GABRB1: variants seen among roughly 807,000 people sequenced by gnomAD.
GABRB1 encodes the protein gamma-aminobutyric acid type A receptor subunit beta1.
In GABRB1, 17 loss-of-function variants were observed where a neutral mutation model predicts 51.6. That is an observed-to-expected ratio of 0.33 (90% CI 0.23 to 0.49). The LOEUF is 0.49. Among genes scored for constraint, GABRB1 ranks in the 20% least tolerant of loss-of-function variants. The probability of loss-of-function intolerance (pLI) is 0.99; values close to 1 mark genes in which losing one functional copy is unlikely to be tolerated. For missense variants in GABRB1, 410 were observed against 600.6 expected, an observed-to-expected ratio of 0.68 and a Z score of 3.32; for synonymous variants, 247 against 218.9, an observed-to-expected ratio of 1.13 and a Z score of -1.14.
chr4:47,236,188 A>C lies in GABRB1; in HGVS notation c.461+74719A>C, dbSNP rs1004375354. Among the ~76,000 whole-genome samples, 14 of 152,198 alleles carry C rather than the reference A, an allele frequency of 9.2e-5. No homozygotes were observed. In the East Asian group the frequency reaches 2.1e-3, roughly 23 times the overall value. On this transcript the variant is annotated intron_variant, in intron 4 of 8. Transcript: ENST00000295454. ...AATTAAATTTTATATTATTCATTTC[A>C]GTTTATCCTTTTGAAATCCGAAAGC...
At chr4:47,006,654 G>A (rs1269478551) in intron 1 of GABRB1, among the ~76,000 whole-genome samples, 1 of 152,172 alleles carries the variant, frequency 6.6e-6, no homozygotes, top group Non-Finnish European at 1.5e-5. Context: ...ATAAGGTTCT[G>A]TAACTAACAT....
intron 4 of GABRB1, among the ~76,000 whole-genome samples, chr4:47,178,866 G>A (rs1235037421): frequency 2.6e-5 from 4 of 151,998 alleles, no homozygotes; most frequent in Non-Finnish European, 4.4e-5. Flanking sequence ...ATAATGAGTC[G>A]CTTTGTTCCA....
chr4:47,362,700 G>A (rs2110011237), intron 5 of GABRB1, among the ~76,000 whole-genome samples: 1 of 152,252 alleles, frequency 6.6e-6, no homozygotes, highest in South Asian at 2.1e-4. Context: ...TGCTGAGGAA[G>A]TAAAAGGAAC....
At chr4:46,999,173 G>A (rs1724103593) in intron 1 of GABRB1, among the ~76,000 whole-genome samples, 2 of 152,090 alleles carry the variant, frequency 1.3e-5, no homozygotes, top group Admixed American at 6.6e-5. Flanking sequence ...ATTTAGAGGG[G>A]ATACACAAAG....
rs185425912 is a variant in GABRB1, at chr4:47,253,678, C to T, written c.462-66449C>T. On this transcript the variant is annotated intron_variant, in intron 4 of 8. Transcript: ENST00000295454. ...CTCCATTACTCTTGCTTTTTGTCCA[C>T]GAATGAAATTAAGATAATTAAATAA... is the stretch of plus-strand genomic sequence containing the variant. Among the ~76,000 whole-genome samples the T allele has an allele frequency of 7.2e-5, 11 of 152,142 alleles. No individual in the cohort carries two copies. In the East Asian group the frequency reaches 9.7e-4, roughly 13 times the overall value.
chr4:46,995,949 A>G (rs943043785), intron 1 of GABRB1, among the ~76,000 whole-genome samples: 2 of 152,116 alleles, frequency 1.3e-5, no homozygotes, highest in African/African-American at 2.4e-5. Flanking sequence ...AAAGGCATTT[A>G]TATCTCTTCT....
chr4:47,049,984 C>T (rs904352022), intron 3 of GABRB1, among the ~76,000 whole-genome samples: 1 of 152,190 alleles, frequency 6.6e-6, no homozygotes, highest in African/African-American at 2.4e-5. Flanking sequence ...TCATATAGAT[C>T]TTGCTGTATT....
chr4:47,327,365 A>G (rs1725299036), intron 5 of GABRB1, among the ~76,000 whole-genome samples: 1 of 151,182 alleles, frequency 6.6e-6, no homozygotes, highest in Non-Finnish European at 1.5e-5. Flanking sequence ...CTTAAAAGAA[A>G]AAAAGAAAAA....
intron 3 of GABRB1, among the ~76,000 whole-genome samples, chr4:47,072,988 T>A (rs1459283892): frequency 1.3e-5 from 2 of 152,168 alleles, no homozygotes; most frequent in African/African-American, 2.4e-5. Context: ...TTTCTTTAAT[T>A]TAGACAATTC....
At chr4:47,085,687 CAAT>C (rs528093715) in intron 3 of GABRB1, among the ~76,000 whole-genome samples, 2 of 152,292 alleles carry the variant, frequency 1.3e-5, no homozygotes, top group South Asian at 4.1e-4. Flanking sequence ...TGTCTTAAAA[CAAT>C]GATGATTTTT....
intron 3 of GABRB1, among the ~76,000 whole-genome samples, chr4:47,150,318 A>T (rs1577953446): frequency 7.6e-6 from 1 of 131,712 alleles, no homozygotes; most frequent in Non-Finnish European, 1.7e-5. Flanking sequence ...CATCACACAC[A>T]CACACACACA....
At chr4:47,176,302 C>G (rs956003969) in intron 4 of GABRB1, among the ~76,000 whole-genome samples, 2 of 151,966 alleles carry the variant, frequency 1.3e-5, no homozygotes, top group East Asian at 3.9e-4. Context: ...TTTATTAAAA[C>G]AAAGATAATT....
At position 47,278,870 on chromosome 4, in the gene GABRB1, C is replaced by T. The variant is rs149070687; in HGVS notation, c.462-41257C>T. The stretch of plus-strand genomic sequence containing the variant: ...GGAAACAGAAGCTAGGGTGACAATT[C>T]GTGACTTAGATGAACTGTCTCACTG... On this transcript the variant is annotated intron_variant, in intron 4 of 8. Transcript: ENST00000295454. Among the ~76,000 whole-genome samples, 35 of 152,196 alleles carry T rather than the reference C, an allele frequency of 2.3e-4. No individual in the cohort carries two copies. The East Asian group carries it at 3.9e-3, about 17-fold the overall frequency.
intron 4 of GABRB1, among the ~76,000 whole-genome samples, chr4:47,275,709 G>C (rs1304275555): frequency 6.6e-6 from 1 of 152,098 alleles, no homozygotes; most frequent in African/African-American, 2.4e-5. Flanking sequence ...TCTGATGTCA[G>C]CCATTCATTT....
chr4:47,170,549 G>A (rs1167223294), intron 4 of GABRB1, among the ~76,000 whole-genome samples: 5 of 152,106 alleles, frequency 3.3e-5, no homozygotes, highest in Admixed American at 3.3e-4. Flanking sequence ...TTTCCCTGTA[G>A]AGAAGAAATT....
intron 3 of GABRB1, among the ~76,000 whole-genome samples, chr4:47,130,131 C>G (rs747514176): frequency 1.3e-5 from 2 of 152,168 alleles, no homozygotes; most frequent in South Asian, 4.1e-4. Context: ...CACATTTTCT[C>G]TCTGATACCA....
At chr4:47,226,037 T>C (rs1192150136) in intron 4 of GABRB1, among the ~76,000 whole-genome samples, 1 of 152,194 alleles carries the variant, frequency 6.6e-6, no homozygotes, top group Non-Finnish European at 1.5e-5. Context: ...GCAAGGATTA[T>C]ATCCATTCAT....
chr4:47,322,285 C>T (rs1355348564), intron 5 of GABRB1, among the ~76,000 whole-genome samples: 1 of 152,076 alleles, frequency 6.6e-6, no homozygotes, highest in Admixed American at 6.5e-5. Context: ...AACTGAGACA[C>T]TAAAATAAGC....
chr4:47,353,018 G>A lies in GABRB1; in HGVS notation c.544+32809G>A, dbSNP rs570833668. The stretch of plus-strand genomic sequence containing the variant: ...ACATGGTTGGGGAGACCTCAGAATC[G>A]TGGCAGGAGGCAAAAGGCACTTCTT... On this transcript the variant is annotated intron_variant, in intron 5 of 8. Transcript: ENST00000295454. 7.9e-5 allele frequency among the ~76,000 whole-genome samples: 12 copies of A among 152,248 alleles called. No homozygotes were observed. In the South Asian group the frequency reaches 1.5e-3, roughly 18 times the overall value.
Sources: gnomAD v4.1 joint callset for allele counts (sites outside exome capture counted in the v4.1 genomes callset) on GRCh38, gnomAD v4.1.1 for gene constraint, MANE v1.5 for transcripts, NCBI Gene and HGNC (gene_info 2026-07-23, HGNC 2026-07-21) for gene names.